The following CCDC136 variants were observed in gnomAD, a reference collection of about 807,000 sequenced individuals.
CCDC136 encodes coiled-coil domain-containing protein 136.
Under a neutral mutation model 141.2 loss-of-function variants are expected in CCDC136, and 100 were observed. That is an observed-to-expected ratio of 0.71 (90% confidence interval 0.60 to 0.84). The LOEUF is 0.84. Ranked by LOEUF, CCDC136 falls within the 40% of genes least tolerant of loss-of-function variation. The pLI is 0.00. For synonymous variants in CCDC136, 474 were observed against 531.9 expected, an observed-to-expected ratio of 0.89 and a Z score of 1.50; for missense variants, 1,206 against 1,379.4, an observed-to-expected ratio of 0.87 and a Z score of 1.99.
chr7:128,806,412 G>A lies in CCDC136; in HGVS notation c.1248+17G>A, dbSNP rs1323157766. The A allele has an allele frequency of 2.5e-6, 4 of 1,590,100 alleles. No individual in the cohort carries two copies. The African/African-American group carries it at 5.4e-5, about 21-fold the overall frequency. ...AGTGAGAAGGTAACAGCAACCAGAG[G>A]TGAGGGGACAACTTAGGTGCTAAGG... is the stretch of plus-strand genomic sequence containing the variant. On this transcript the variant is annotated intron_variant, in intron 8 of 17. Coordinates refer to ENST00000297788, the MANE Select transcript of CCDC136 (RefSeq NM_022742.5).
chr7:128,794,869 C>A lies in CCDC136; in HGVS notation c.346+101C>A. ...ACTGAAGCACAGCAGATAAAAATAA[C>A]CAAATTCAGTAATTTCACCTCATTT... On this transcript the variant is annotated intron_variant, in intron 3 of 17. Coordinates refer to ENST00000297788, the MANE Select transcript of CCDC136 (RefSeq NM_022742.5). This position sits in a 1 kb window ranked among gnomAD's most constrained non-coding sequence, Gnocchi z 4.3. The A allele has an allele frequency of 2.3e-6, 2 of 880,928 alleles. No homozygotes were observed. Among genetic ancestry groups the A allele is most frequent in the South Asian group, 1.6e-5 (1 of 64,334 alleles). 54.6% of individuals were successfully genotyped at this position (880,928 alleles called of 1,614,324 possible). A position where few individuals can be genotyped will look rare whatever the true frequency, so the allele number is the denominator to read the frequency against.
rs1235674178 is a variant in CCDC136 at position 128,794,469 on chromosome 7, C to G, written c.138C>G (p.Asn46Lys). The G allele has an allele frequency of 6.4e-7, 1 of 1,552,180 alleles. No homozygotes were observed. The highest frequency in any genetic ancestry group is 8.7e-7 in the Non-Finnish European group (1 of 1,147,234). Residue 46 changes from asparagine to lysine, a missense_variant, in exon 2 of 18, where the codon AAC becomes AAG. By Grantham distance (94) the Asn-to-Lys change is moderately conservative (BLOSUM62 0). Coordinates refer to ENST00000297788, the MANE Select transcript of CCDC136 (RefSeq NM_022742.5). This position sits in a 1 kb window ranked among gnomAD's most constrained non-coding sequence, Gnocchi z 4.3. ...GCAGTGTTGGCTCTCTGTCAGTCAA[C>G]AAGCACCGGGGACTGAGCCTCACGG... ...KGGSVGSLSV[N>K]KHRGLSLTET...
intron 9 of CCDC136, 130 bp downstream of exon 9, chr7:128,806,988 G>T: frequency 2.3e-6 from 2 of 855,708 alleles, no homozygotes; most frequent in Non-Finnish European, 3.4e-6. Context: ...GAGGTGCTTA[G>T]GAGAAAGGTG....
At chr7:128,802,256 CA>C (rs1376029217) in intron 4 of CCDC136, among the ~76,000 whole-genome samples, 5 of 152,116 alleles carry the variant, frequency 3.3e-5, no homozygotes, top group African/African-American at 1.2e-4. Context: ...TTCATGACAT[CA>C]GAGAGTTTGC....
rs76252875 is a variant in CCDC136, at chr7:128,819,588, G to A, written c.*5+1724G>A. Among the ~76,000 whole-genome samples, 881 of 152,232 alleles carry A rather than the reference G, an allele frequency of 5.8e-3. 8 individuals are homozygous for A. The highest frequency in any genetic ancestry group is 0.02 in the African/African-American group (835 of 41,492). ...TACAAAATGCAGTCTTATGTGTCAG[G>A]CACTGTTCTAATCACTTACGTATAT... On this transcript the variant is annotated intron_variant, in intron 17 of 17. Transcript: ENST00000297788.
intron 3 of CCDC136, among the ~76,000 whole-genome samples, chr7:128,800,945 G>C (rs961536105): frequency 3.3e-5 from 5 of 152,250 alleles, no homozygotes; most frequent in Admixed American, 3.3e-4. Context: ...TGATTGTTTT[G>C]GTGCCAGGCC....
chr7:128,801,360 A>T lies in CCDC136; in HGVS notation c.521A>T (p.Asp174Val). The T allele has an allele frequency of 6.2e-7, 1 of 1,613,494 alleles. No homozygotes were observed. Among genetic ancestry groups the T allele is most frequent in the South Asian group, 1.1e-5 (1 of 90,972 alleles). The change falls in exon 4 of 18, where the codon GAT (aspartate) becomes GTT (valine). Residue 174 changes from aspartate (D) to valine (V), a missense_variant. Coordinates refer to ENST00000297788, the MANE Select transcript of CCDC136 (RefSeq NM_022742.5). ...AGTGACATAGCATCCCTGCAGGAGG[A>T]TCTCTGCCGGATGCAGAATGAACTT... The part of the protein sequence containing the change: ...HESDIASLQE[D>V]LCRMQNELED...
At chr7:128,800,631 T>G (rs1324517792) in intron 3 of CCDC136, among the ~76,000 whole-genome samples, 1 of 152,212 alleles carries the variant, frequency 6.6e-6, no homozygotes, top group East Asian at 1.9e-4. Context: ...CGACTGACAC[T>G]TAGATTATTA....
At position 128,794,229 on chromosome 7, in the gene CCDC136, G is replaced by T; in HGVS notation, c.17-119G>T. On this transcript the variant is annotated intron_variant, in intron 1 of 17. Coordinates refer to ENST00000297788, the MANE Select transcript of CCDC136 (RefSeq NM_022742.5). The surrounding 1 kb of genome is among the most constrained non-coding windows in gnomAD (Gnocchi z 4.3). Reference sequence around the variant, plus strand: ...AGGTCTTGCCCCGGGGCTCCTTGGGGGACACCAGGTGGCACTAGTATGTCA... The same window carrying T: ...AGGTCTTGCCCCGGGGCTCCTTGGGTGACACCAGGTGGCACTAGTATGTCA... The T allele has an allele frequency of 7.0e-7, 1 of 1,418,552 alleles. No homozygotes were observed. Among genetic ancestry groups the T allele is most frequent in the Non-Finnish European group, 9.7e-7 (1 of 1,030,678 alleles). 87.9% of individuals were successfully genotyped at this position (1,418,552 alleles called of 1,614,324 possible).
Position 128,806,265 on chromosome 7 carries a change from C to G in CCDC136, c.1118C>G (p.Thr373Ser), listed in dbSNP as rs1180186748. 6.3e-7 allele frequency: 1 copy of G among 1,576,280 alleles called. No homozygotes were observed. Among genetic ancestry groups the G allele is most frequent in the East Asian group, 2.3e-5 (1 of 43,140 alleles). ...QNEELKSRLC[T>S]LQKKYDTSQD... Reference sequence around the variant, plus strand: ...GAGGAGCTGAAGTCCAGACTCTGTACCCTGCAGAAAAAATATGATACTAGC... The same window carrying G: ...GAGGAGCTGAAGTCCAGACTCTGTAGCCTGCAGAAAAAATATGATACTAGC... Residue 373 changes from threonine to serine, a missense_variant, in exon 8 of 18, where the codon ACC (threonine) becomes AGC (serine). Thr to Ser is a moderately conservative substitution (Grantham distance 58, BLOSUM62 1). Coordinates refer to ENST00000297788, the MANE Select transcript of CCDC136 (RefSeq NM_022742.5).
chr7:128,800,458 C>CTTTTT (rs67467689), intron 3 of CCDC136, among the ~76,000 whole-genome samples: 1 of 137,718 alleles, frequency 7.3e-6, no homozygotes, highest in Non-Finnish European at 1.6e-5. Context: ...ACCTGGCTTT[C>CTTTTT]TTTTTTTTTT....
Position 128,810,132 on chromosome 7 carries a change from G to T in CCDC136, c.1801-7G>T, listed in dbSNP as rs777292630. On this transcript the variant is annotated splice_polypyrimidine_tract_variant and splice_region_variant and intron_variant, in intron 11 of 17. Coordinates refer to ENST00000297788, the MANE Select transcript of CCDC136 (RefSeq NM_022742.5). ...TCCCTTGCCTCCTTCCTTCTACTCC[G>T]CCTCAGAGTCAGGAGCTACTCACCA... The T allele has an allele frequency of 2.6e-6, 4 of 1,560,812 alleles. No individual in the cohort carries two copies. The highest frequency in any genetic ancestry group is 1.9e-5 in the Admixed American group (1 of 52,422).
At chr7:128,810,007 G>C (rs1430882522) in intron 11 of CCDC136, 132 bp from the exon 12 acceptor site, 3 of 631,354 alleles carry the variant, frequency 4.8e-6, no homozygotes, top group South Asian at 2.0e-5. Context: ...CCCGTCCCCA[G>C]ATGGGCTCTG....
At chr7:128,811,089 C>T (rs1024158723) in intron 12 of CCDC136, among the ~76,000 whole-genome samples, 5 of 152,136 alleles carry the variant, frequency 3.3e-5, no homozygotes, top group Non-Finnish European at 5.9e-5. Context: ...TAGACAGTTT[C>T]GGTTTAGGCC....
Position 128,796,739 on chromosome 7 carries a change from A to ATATATATATATATATTTTTTTTTT in CCDC136, c.346+1972_346+1973insATATATATATATATTTTTTTTTTT. Among the ~76,000 whole-genome samples the ATATATATATATATATTTTTTTTTT allele has an allele frequency of 4.5e-4, 51 of 113,330 alleles. 1 individual carries two copies. The highest frequency in any genetic ancestry group is 6.7e-4 in the Non-Finnish European group (40 of 59,768). The allele number at this position is 113,330 out of a possible 152,430, so 74.3% of individuals were successfully genotyped here. ...TGATTCAGAATATATATATATATATATTCTTTTTTTTTTTTTTTTTGAGAC... is the reference window on the plus strand; with the variant it reads ...TGATTCAGAATATATATATATATATATATATATATATATATTTTTTTTTTTTCTTTTTTTTTTTTTTTTTGAGAC... On this transcript the variant is annotated intron_variant, in intron 3 of 17. Coordinates refer to ENST00000297788, the MANE Select transcript of CCDC136 (RefSeq NM_022742.5).
At chr7:128,791,961 T>A, upstream of CCDC136, 2 of 1,004,120 alleles carry the variant, frequency 2.0e-6, no homozygotes, top group Non-Finnish European at 2.5e-6. The surrounding 1 kb of genome is among the most constrained non-coding windows in gnomAD (Gnocchi z 7.1). Flanking sequence ...CCCCCACTCC[T>A]CCCTCCCTCC....
intron 13 of CCDC136, 49 bp downstream of exon 13, chr7:128,812,361 C>A: frequency 1.3e-6 from 2 of 1,558,184 alleles, no homozygotes; most frequent in Non-Finnish European, 1.7e-6. Flanking sequence ...GGACTCTTGT[C>A]TTTTTAAGAG....
chr7:128,796,739 A>ATATATATATATATATTT, intron 3 of CCDC136, among the ~76,000 whole-genome samples: 11 of 113,366 alleles, frequency 9.7e-5, no homozygotes, highest in African/African-American at 2.3e-4. Context: ...ATATATATAT[A>ATATATATATATATATTT]TTCTTTTTTT....
In CCDC136 at chr7:128,794,890, C is replaced by T. The variant is rs1022750120; in HGVS notation, c.346+122C>T. ...ATAACCAAATTCAGTAATTTCACCT[C>T]ATTTTCCTCTACTAGTCTCACCCTT... On this transcript the variant is annotated intron_variant, in intron 3 of 17. Transcript: ENST00000297788. The surrounding 1 kb of genome is among the most constrained non-coding windows in gnomAD (Gnocchi z 4.3). 2 of 733,230 alleles carry T rather than the reference C, an allele frequency of 2.7e-6. No homozygotes were observed. Among genetic ancestry groups the T allele is most frequent in the Non-Finnish European group, 4.7e-6 (2 of 426,260 alleles). 45.4% of individuals were successfully genotyped at this position (733,230 alleles called of 1,614,324 possible).
Sources: gnomAD v4.1 joint callset for allele counts (sites outside exome capture counted in the v4.1 genomes callset) on GRCh38, gnomAD v4.1.1 for gene constraint, Gnocchi (gnomAD v3.1) non-coding constraint, MANE v1.5 for transcripts, NCBI Gene and HGNC (gene_info 2026-07-23, HGNC 2026-07-21) for gene names.